The following KIF13B variants were observed in gnomAD, a reference collection of about 807,000 sequenced individuals.
KIF13B encodes the protein kinesin-like protein KIF13B.
KIF13B carries 127 observed loss-of-function variants against 222.0 expected under a neutral mutation model. The ratio of observed to expected loss-of-function variants is 0.57; its 90% confidence interval spans 0.50 to 0.66. KIF13B has a LOEUF of 0.66. Among genes scored for constraint, KIF13B ranks in the 30% least tolerant of loss-of-function variants. The pLI, the probability that KIF13B is intolerant of heterozygous loss-of-function variation, is 0.00. For missense variants in KIF13B, 2,173 were observed against 2,379.0 expected (o/e 0.91, Z 1.80); for synonymous variants, 976 against 919.0 (o/e 1.06, Z -1.12).
At chr8:29,101,834 A>T (rs1029201629) in intron 35 of KIF13B, among the ~76,000 whole-genome samples, 1 of 152,168 alleles carries the variant, frequency 6.6e-6, no homozygotes, top group Non-Finnish European at 1.5e-5. Context: ...TGCAGATGCT[A>T]AACTGGGTAC....
At position 29,075,357 on chromosome 8, in the gene KIF13B, T is replaced by A. The variant is rs1367067960; in HGVS notation, c.4459-14A>T. 1 of 1,554,966 alleles carries A rather than the reference T, an allele frequency of 6.4e-7. No homozygotes were observed. Among genetic ancestry groups the A allele is most frequent in the South Asian group, 1.2e-5 (1 of 84,126 alleles). ...GCGGGGCACGGGCTGAGGAGGCAAG[T>A]GTGCAGGTCAGGGGTCGAGAGGACA... On this transcript the variant is annotated splice_polypyrimidine_tract_variant and intron_variant, in intron 37 of 39. Transcript: ENST00000524189.
intron 27 of KIF13B, 117 bp from the exon 28 acceptor site, chr8:29,123,609 G>T: frequency 7.3e-7 from 1 of 1,372,444 alleles, no homozygotes. Context: ...GTGCTCCCCA[G>T]TGATAAAAAC....
chr8:29,178,153 A>G (rs568244133), intron 8 of KIF13B, among the ~76,000 whole-genome samples: 27 of 152,312 alleles, frequency 1.8e-4, no homozygotes, highest in East Asian at 3.9e-4. Context: ...AGGGTGCCCA[A>G]TGAAATTTTC....
chr8:29,150,947 G>C (rs1357942913), intron 14 of KIF13B, among the ~76,000 whole-genome samples: 2 of 152,096 alleles, frequency 1.3e-5, no homozygotes, highest in African/African-American at 4.8e-5. Flanking sequence ...CTCAAAAGGT[G>C]GAAATAATTA....
intron 31 of KIF13B, among the ~76,000 whole-genome samples, chr8:29,116,627 T>G (rs887079396): frequency 2.6e-5 from 4 of 152,290 alleles, no homozygotes; most frequent in Admixed American, 2.0e-4. Context: ...TAAGAAAGAT[T>G]CAGTGTAAAA....
At chr8:29,226,783 G>A (rs1045040561) in intron 2 of KIF13B, among the ~76,000 whole-genome samples, 2 of 152,130 alleles carry the variant, frequency 1.3e-5, no homozygotes. Context: ...CAGACTAATG[G>A]TCTGATTTAA....
At chr8:29,126,694 T>G (rs1810126507) in intron 25 of KIF13B, among the ~76,000 whole-genome samples, 183 bp from the exon 26 acceptor site, 1 of 152,158 alleles carries the variant, frequency 6.6e-6, no homozygotes, top group South Asian at 2.1e-4. Context: ...TTGGAGCCGC[T>G]CACAGAAGAG....
chr8:29,119,116 T>C, intron 29 of KIF13B, 124 bp from the exon 30 acceptor site: 1 of 1,030,970 alleles, frequency 9.7e-7, no homozygotes, highest in South Asian at 1.6e-5. Flanking sequence ...TGCTCTGAAA[T>C]CTTACATGAC....
chr8:29,184,061 A>T (rs1337071820), intron 6 of KIF13B, among the ~76,000 whole-genome samples: 1 of 152,188 alleles, frequency 6.6e-6, no homozygotes, highest in Non-Finnish European at 1.5e-5. Context: ...GTAACTGGAT[A>T]AAGTAGATAT....
chr8:29,171,185 G>T (rs188896329), intron 10 of KIF13B, among the ~76,000 whole-genome samples: 7 of 152,290 alleles, frequency 4.6e-5, no homozygotes. Flanking sequence ...GTTACTTCAC[G>T]TTAAGAGGCC....
At chr8:29,182,591 T>C (rs1460590870) in intron 6 of KIF13B, among the ~76,000 whole-genome samples, 2 of 122,186 alleles carry the variant, frequency 1.6e-5, no homozygotes, top group Non-Finnish European at 3.2e-5. Context: ...ATTCATTAAG[T>C]TTTTTTTTTT....
At chr8:29,176,791 G>A (rs1812498818) in intron 9 of KIF13B, among the ~76,000 whole-genome samples, 1 of 151,746 alleles carries the variant, frequency 6.6e-6, no homozygotes, top group Non-Finnish European at 1.5e-5. Context: ...GAGAAACCCT[G>A]ACCTGACTGA....
At chr8:29,212,404 A>T (rs1350645103) in intron 2 of KIF13B, among the ~76,000 whole-genome samples, 1 of 152,216 alleles carries the variant, frequency 6.6e-6, no homozygotes, top group East Asian at 1.9e-4. Context: ...TTCAAGTGGG[A>T]GCACAGGGGC....
intron 11 of KIF13B, 127 bp from the exon 12 acceptor site, chr8:29,165,899 T>C (rs895741450): frequency 1.6e-4 from 10 of 63,520 alleles, no homozygotes; most frequent in Non-Finnish European, 2.5e-4. Context: ...AGGTCTGACA[T>C]CTACTTCGAT....
intron 3 of KIF13B, 25 bp from the exon 4 acceptor site, chr8:29,191,082 T>C: frequency 6.3e-7 from 1 of 1,575,330 alleles, no homozygotes; most frequent in South Asian, 1.1e-5. Flanking sequence ...CATAAGTGTG[T>C]GTTAAGAAAA....
chr8:29,108,983 G>T (rs1166673937), intron 34 of KIF13B, among the ~76,000 whole-genome samples: 1 of 152,094 alleles, frequency 6.6e-6, no homozygotes, highest in Non-Finnish European at 1.5e-5. Flanking sequence ...ATAAACTGAA[G>T]CCACTGTTAT....
chr8:29,226,528 C>T (rs1815033648), intron 2 of KIF13B, among the ~76,000 whole-genome samples: 1 of 152,126 alleles, frequency 6.6e-6, no homozygotes, highest in Non-Finnish European at 1.5e-5. Flanking sequence ...TGTCCGCTCC[C>T]CAGACACTCA....
chr8:29,205,251 A>G (rs1441074140), intron 2 of KIF13B, among the ~76,000 whole-genome samples: 1 of 152,214 alleles, frequency 6.6e-6, no homozygotes, highest in Non-Finnish European at 1.5e-5. Context: ...GTATTGATCA[A>G]AAGTAGAAAA....
Position 29,109,428 on chromosome 8 carries a change from A to G in KIF13B, c.4161+6T>C. 6.2e-7 allele frequency: 1 copy of G among 1,609,818 alleles called. No individual in the cohort carries two copies. The highest frequency in any genetic ancestry group is 1.1e-5 in the South Asian group (1 of 90,996). On this transcript the variant is annotated splice_donor_region_variant and intron_variant, in intron 34 of 39. Coordinates refer to ENST00000524189, the MANE Select transcript of KIF13B (RefSeq NM_015254.4). Reference sequence around the variant, plus strand: ...CACAGCACAGAGCTTGGTTCCACACACTCACTCTGTTCACATTTGGAGAAC... The same window carrying G: ...CACAGCACAGAGCTTGGTTCCACACGCTCACTCTGTTCACATTTGGAGAAC...
Sources: gnomAD v4.1 joint callset for allele counts (sites outside exome capture counted in the v4.1 genomes callset) on GRCh38, gnomAD v4.1.1 for gene constraint, MANE v1.5 for transcripts, NCBI Gene and HGNC (gene_info 2026-07-23, HGNC 2026-07-21) for gene names.